Variants in DGKB observed in about 807,000 individuals in gnomAD.
DGKB encodes 90 kDa diacylglycerol kinase.
A neutral mutation model predicts 114.3 loss-of-function variants in DGKB; 67 were observed. The observed-to-expected ratio is 0.59, with a 90% confidence interval of 0.48 to 0.72. DGKB has a LOEUF of 0.72. Among genes scored for constraint, DGKB ranks in the 30% least tolerant of loss-of-function variants. The pLI is 0.00. For synonymous variants in DGKB, 398 were observed against 323.1 expected (o/e 1.23, Z -2.49); for missense variants, 907 against 975.2 (o/e 0.93, Z 0.93).
chr7:14,575,767 T>A (rs1799033374), intron 19 of DGKB, among the ~76,000 whole-genome samples: 1 of 152,134 alleles, frequency 6.6e-6, no homozygotes, highest in East Asian at 1.9e-4. Context: ...TCAGTTTTTA[T>A]TTTTTTCTGT....
intron 17 of DGKB, among the ~76,000 whole-genome samples, chr7:14,607,089 C>T (rs191718925): frequency 6.6e-6 from 1 of 151,444 alleles, no homozygotes; most frequent in East Asian, 1.9e-4. Flanking sequence ...ATAAGAAGTA[C>T]AATAAAAGAG....
intron 21 of DGKB, among the ~76,000 whole-genome samples, chr7:14,409,400 T>C (rs1824472711): frequency 6.6e-6 from 1 of 151,996 alleles, no homozygotes; most frequent in African/African-American, 2.4e-5. Context: ...AGCAGAAAAA[T>C]GTCACGACAT....
chr7:14,832,248 C>A (rs897733379), intron 2 of DGKB, among the ~76,000 whole-genome samples: 1 of 151,980 alleles, frequency 6.6e-6, no homozygotes, highest in Admixed American at 6.6e-5. Flanking sequence ...TAGACTCAAG[C>A]AAACTGAATA....
rs1822325500 is a variant in DGKB at position 14,689,208 on chromosome 7, T to TTTTTTTTTTA, written c.712-3847_712-3846insTAAAAAAAAA. On this transcript the variant is annotated intron_variant, in intron 9 of 25. Transcript: ENST00000402815. ...GACAGAAACTCCTCTTATTTTTTTT[T>TTTTTTTTTTA]TTTTTTTTTTTTTTTTGAGAGGAGT... Among the ~76,000 whole-genome samples, 11 of 109,848 alleles carry TTTTTTTTTTA rather than the reference T, an allele frequency of 1.0e-4. No individual in the cohort carries two copies. The South Asian group carries it at 1.2e-3, about 12-fold the overall frequency. The allele number at this position is 109,848 out of a possible 152,430, so 72.1% of individuals were successfully genotyped here.
intron 21 of DGKB, among the ~76,000 whole-genome samples, chr7:14,455,966 G>A (rs746642245): frequency 6.6e-6 from 1 of 151,946 alleles, no homozygotes; most frequent in Non-Finnish European, 1.5e-5. Flanking sequence ...TATTTAAAAT[G>A]TATACACCGT....
At chr7:14,318,568 T>A (rs1428368740) in intron 23 of DGKB, among the ~76,000 whole-genome samples, 53 of 152,152 alleles carry the variant, frequency 3.5e-4, no homozygotes, top group African/African-American at 1.0e-3. Flanking sequence ...AGAGAAATGC[T>A]AATCAAAACC....
At chr7:14,577,360 A>G (rs976581099) in intron 19 of DGKB, among the ~76,000 whole-genome samples, 13 of 152,280 alleles carry the variant, frequency 8.5e-5, no homozygotes, top group East Asian at 3.9e-4. Flanking sequence ...GCTCATGTCT[A>G]TAATCCCAGC....
At chr7:14,152,782 G>A (rs1035231628) in intron 25 of DGKB, among the ~76,000 whole-genome samples, 2 of 152,062 alleles carry the variant, frequency 1.3e-5, no homozygotes, top group Non-Finnish European at 2.9e-5. Context: ...ACATTTTTAA[G>A]GTTGCATAGT....
intron 20 of DGKB, among the ~76,000 whole-genome samples, chr7:14,567,247 ATT>A (rs1797591317): frequency 2.0e-5 from 1 of 50,626 alleles, no homozygotes; most frequent in South Asian, 4.5e-4. Context: ...TATTATATAT[ATT>A]ATATATTTAT....
chr7:14,483,753 C>T lies in DGKB; in HGVS notation c.1771-5528G>A, dbSNP rs187651403. Among the ~76,000 whole-genome samples, 19 of 152,186 alleles carry T rather than the reference C, an allele frequency of 1.2e-4. No individual in the cohort carries two copies. The East Asian group carries it at 2.9e-3, about 23-fold the overall frequency. On this transcript the variant is annotated intron_variant, in intron 20 of 25. Transcript: ENST00000402815. ...GAGACAGAGATTAGACAGGAGGAGA[C>T]GATGCGACTACAAAGGCAGACATTG... is the stretch of plus-strand genomic sequence containing the variant.
chr7:14,934,803 A>G (rs369369998), intron 1 of DGKB, among the ~76,000 whole-genome samples: 1 of 152,198 alleles, frequency 6.6e-6, no homozygotes, highest in African/African-American at 2.4e-5. Flanking sequence ...CCCTAACTTG[A>G]TTTAAAACTC....
chr7:14,645,998 T>C (rs888530304), intron 13 of DGKB, among the ~76,000 whole-genome samples: 2 of 151,976 alleles, frequency 1.3e-5, no homozygotes, highest in Non-Finnish European at 2.9e-5. Flanking sequence ...AGAAAACAAA[T>C]ACCAATGGGT....
chr7:14,897,507 C>A (rs1173478906), intron 1 of DGKB, among the ~76,000 whole-genome samples: 2 of 151,868 alleles, frequency 1.3e-5, no homozygotes, highest in East Asian at 3.9e-4. Context: ...CAACTTCACA[C>A]TATTGTCCCA....
At chr7:14,337,683 C>G (rs1238870911) in intron 23 of DGKB, among the ~76,000 whole-genome samples, 1 of 152,062 alleles carries the variant, frequency 6.6e-6, no homozygotes, top group African/African-American at 2.4e-5. Context: ...ACTGAAATCT[C>G]TTCATATTTT....
intron 2 of DGKB, among the ~76,000 whole-genome samples, chr7:14,778,365 TC>T (rs1184981023): frequency 6.6e-6 from 1 of 152,200 alleles, no homozygotes; most frequent in East Asian, 1.9e-4. Flanking sequence ...TGTTTTTTTT[TC>T]ATAGAACCTA....
chr7:14,780,755 T>A (rs1436061602), intron 2 of DGKB, among the ~76,000 whole-genome samples: 1 of 152,222 alleles, frequency 6.6e-6, no homozygotes, highest in African/African-American at 2.4e-5. Context: ...GGGTTTTATA[T>A]TTAGATAATT....
chr7:14,187,759 T>C (rs1388651713), intron 23 of DGKB, among the ~76,000 whole-genome samples: 1 of 151,982 alleles, frequency 6.6e-6, no homozygotes, highest in Non-Finnish European at 1.5e-5. Flanking sequence ...GACTACACAA[T>C]TAGATTCACA....
intron 23 of DGKB, among the ~76,000 whole-genome samples, chr7:14,301,806 T>C (rs1803600567): frequency 6.6e-6 from 1 of 152,136 alleles, no homozygotes; most frequent in African/African-American, 2.4e-5. Flanking sequence ...ACTCTTGCCT[T>C]ATGGGTTTTC....
intron 1 of DGKB, among the ~76,000 whole-genome samples, chr7:14,874,560 T>A (rs987763531): frequency 3.3e-5 from 5 of 151,990 alleles, no homozygotes; most frequent in Non-Finnish European, 5.9e-5. Flanking sequence ...ATTTTCTCTC[T>A]CTCTCTTTTT....
Sources: allele counts gnomAD v4.1 joint callset (sites outside exome capture counted in the v4.1 genomes callset), GRCh38; gene constraint gnomAD v4.1.1; transcripts MANE v1.5; gene names NCBI Gene and HGNC (gene_info 2026-07-23, HGNC 2026-07-21).